GPHN: variants seen among roughly 807,000 people sequenced by gnomAD.
GPHN encodes the protein gephyrin.
In GPHN, 17 loss-of-function variants were observed where a neutral mutation model predicts 95.5. That is an observed-to-expected ratio of 0.18 (90% confidence interval 0.12 to 0.27). The LOEUF is 0.27. Ranked by LOEUF, GPHN falls within the 10% of genes least tolerant of loss-of-function variation. GPHN has a pLI of 1.00. For missense variants in GPHN, 660 were observed against 978.1 expected (o/e 0.67, Z 4.34); for synonymous variants, 320 against 322.5 (o/e 0.99, Z 0.08).
chr14:67,286,090 T>C, the GPHN span, among the ~76,000 whole-genome samples: 1 of 152,208 alleles, frequency 6.6e-6, no homozygotes, highest in East Asian at 1.9e-4. Flanking sequence ...AAACTAGATA[T>C]AAAGAAATTC....
At chr14:67,021,224 TACAC>T (rs1004668919) in intron 9 of GPHN, among the ~76,000 whole-genome samples, 1 of 152,106 alleles carries the variant, frequency 6.6e-6, no homozygotes, top group African/African-American at 2.4e-5. Context: ...GATTGATTTA[TACAC>T]ACACACATAC....
At chr14:66,597,796 G>A (rs2062045647) in intron 1 of GPHN, among the ~76,000 whole-genome samples, 2 of 152,136 alleles carry the variant, frequency 1.3e-5, no homozygotes, top group African/African-American at 4.8e-5. Context: ...TCATGGCAGT[G>A]GCCACTCCAG....
chr14:67,098,576 G>A (rs1041378811), intron 12 of GPHN, among the ~76,000 whole-genome samples: 21 of 152,194 alleles, frequency 1.4e-4, no homozygotes, highest in African/African-American at 5.1e-4. Flanking sequence ...TTGGGAGGCC[G>A]AGGCAGGCGG....
At chr14:67,693,581 T>C in the GPHN span, among the ~76,000 whole-genome samples, 1 of 150,964 alleles carries the variant, frequency 6.6e-6, no homozygotes, top group Non-Finnish European at 1.5e-5. Flanking sequence ...ATTATGTATG[T>C]ACAAAGGGGA....
At chr14:67,431,402 A>AC in the GPHN span, among the ~76,000 whole-genome samples, 1 of 147,996 alleles carries the variant, frequency 6.8e-6, no homozygotes, top group Non-Finnish European at 1.5e-5. Flanking sequence ...AAAAAAAAAA[A>AC]AAAAAAAAAA....
intron 2 of GPHN, among the ~76,000 whole-genome samples, chr14:66,707,244 A>G (rs1006120648): frequency 1.3e-5 from 2 of 152,224 alleles, no homozygotes; most frequent in African/African-American, 4.8e-5. Flanking sequence ...CCATTGTGAA[A>G]GACAGTATGT....
the GPHN span, chr14:67,199,332 C>T: frequency 1.9e-6 from 3 of 1,613,602 alleles, no homozygotes; most frequent in South Asian, 3.3e-5. Flanking sequence ...AAGGCATCAG[C>T]TCACAACAAA....
At chr14:66,633,629 A>C (rs1164474505) in intron 1 of GPHN, among the ~76,000 whole-genome samples, 1 of 152,042 alleles carries the variant, frequency 6.6e-6, no homozygotes, top group Non-Finnish European at 1.5e-5. Flanking sequence ...TTTTGCTGTT[A>C]TTAATAGGGT....
At chr14:67,271,126 T>C in the GPHN span, 3 of 152,230 alleles carry the variant, frequency 2.0e-5, no homozygotes, top group Admixed American at 6.5e-5. Flanking sequence ...GCTCATATAC[T>C]TAATTAAGCA....
intron 21 of GPHN, among the ~76,000 whole-genome samples, chr14:67,174,681 A>G (rs971673783): frequency 3.3e-5 from 5 of 152,142 alleles, no homozygotes; most frequent in African/African-American, 9.7e-5. Flanking sequence ...GGTTGAACTA[A>G]TTTACACTCC....
In GPHN at chr14:66,794,333, G is replaced by A. The variant is rs529122874; in HGVS notation, c.201+17812G>A. ...TCATGCTGCTGCTCTGGCCATGTAA[G>A]ACGTGTCTTCTGCCATAATGTAAGT... is the stretch of plus-strand genomic sequence containing the variant. On this transcript the variant is annotated intron_variant, in intron 3 of 22. Coordinates refer to ENST00000478722, the MANE Select transcript of GPHN (RefSeq NM_020806.5). Among the ~76,000 whole-genome samples the A allele has an allele frequency of 5.3e-5, 8 of 152,234 alleles. No homozygotes were observed. In the East Asian group the frequency reaches 1.4e-3, roughly 26 times the overall value.
the GPHN span, among the ~76,000 whole-genome samples, chr14:67,422,675 T>A: frequency 6.6e-6 from 1 of 152,158 alleles, no homozygotes; most frequent in Non-Finnish European, 1.5e-5. Context: ...AAAATGCATA[T>A]CAGTTAGAAT....
chr14:66,593,725 G>A (rs1257916295), intron 1 of GPHN, among the ~76,000 whole-genome samples: 1 of 152,106 alleles, frequency 6.6e-6, no homozygotes, highest in Non-Finnish European at 1.5e-5. Flanking sequence ...ATTATGCTCA[G>A]CACTGAAAAG....
chr14:67,674,736 C>T, the GPHN span: 1 of 391,368 alleles, frequency 2.6e-6, no homozygotes, highest in Non-Finnish European at 4.6e-6. Context: ...GCGGCCTAGG[C>T]GACTCCTGAG....
the GPHN span, chr14:67,727,353 C>T: frequency 1.5e-6 from 1 of 680,488 alleles, no homozygotes; most frequent in Non-Finnish European, 2.6e-6. Context: ...TGCTTGCCCC[C>T]AGGGAGCTTA....
intron 8 of GPHN, among the ~76,000 whole-genome samples, chr14:66,941,880 G>A (rs891714752): frequency 6.6e-6 from 1 of 152,026 alleles, no homozygotes; most frequent in Admixed American, 6.5e-5. Context: ...GATTATTAAG[G>A]GCTGTAAATA....
At chr14:67,193,043 G>C in the GPHN span, among the ~76,000 whole-genome samples, 1 of 140,784 alleles carries the variant, frequency 7.1e-6, no homozygotes, top group African/African-American at 2.6e-5. Context: ...TCAATATCTA[G>C]ATATAGATAT....
chr14:67,155,727 C>T (rs1258764658), intron 18 of GPHN, among the ~76,000 whole-genome samples: 3 of 151,860 alleles, frequency 2.0e-5, no homozygotes, highest in South Asian at 2.1e-4. Flanking sequence ...AAAATATTGG[C>T]GGATAGTTTT....
chr14:67,424,178 T>C, the GPHN span, among the ~76,000 whole-genome samples: 1 of 152,046 alleles, frequency 6.6e-6, no homozygotes, highest in South Asian at 2.1e-4. Context: ...AGACGGAGTT[T>C]GTGGTGAGCT....
Sources: gnomAD v4.1 joint callset for allele counts (sites outside exome capture counted in the v4.1 genomes callset) on GRCh38, gnomAD v4.1.1 for gene constraint, MANE v1.5 for transcripts, NCBI Gene and HGNC (gene_info 2026-07-23, HGNC 2026-07-21) for gene names.